UBAC2: variants seen among roughly 807,000 people sequenced by gnomAD.
The protein encoded by UBAC2 is UBA domain containing 2, also known as ubiquitin-associated domain-containing protein 2.
Under a neutral mutation model 44.0 loss-of-function variants are expected in UBAC2, and 26 were observed. That is an observed-to-expected ratio of 0.59 (90% CI 0.43 to 0.82). UBAC2 has a LOEUF of 0.82. UBAC2 is among the 40% of genes least tolerant of loss of function. The pLI, the probability that UBAC2 is intolerant of heterozygous loss-of-function variation, is 0.00. For missense variants in UBAC2, 329 were observed against 419.4 expected, an observed-to-expected ratio of 0.78 and a Z score of 1.88; for synonymous variants, 155 against 154.3, an observed-to-expected ratio of 1.00 and a Z score of -0.04.
At chr13:99,349,644 A>G (rs111527943) in intron 7 of UBAC2, among the ~76,000 whole-genome samples, 9 of 152,318 alleles carry the variant, frequency 5.9e-5, no homozygotes, top group African/African-American at 2.2e-4. Flanking sequence ...TGAGAGAGAG[A>G]AGGCACCATA....
In UBAC2 at chr13:99,382,591, CA is replaced by C. The variant is rs548234720; in HGVS notation, c.928-2634del. On this transcript the variant is annotated intron_variant, in intron 8 of 8. Coordinates refer to ENST00000403766, the MANE Select transcript of UBAC2 (RefSeq NM_001144072.2). ...GCGCGGTGTTCTGAGACGGTGTGCA[CA>C]AATGGGAGGGGATGGGCTGAAAGGA... 3.1e-3 allele frequency among the ~76,000 whole-genome samples: 479 copies of C among 152,200 alleles called. 1 individual carries two copies. Among genetic ancestry groups the C allele is most frequent in the African/African-American group, 0.011 (458 of 41,504 alleles).
At chr13:99,252,519 T>TA (rs1253455148) in intron 4 of UBAC2, among the ~76,000 whole-genome samples, 1 of 152,228 alleles carries the variant, frequency 6.6e-6, no homozygotes, top group African/African-American at 2.4e-5. Flanking sequence ...GACTATGATT[T>TA]AAACTCAGAA....
chr13:99,326,724 G>A (rs1202478491), intron 6 of UBAC2, among the ~76,000 whole-genome samples: 3 of 152,142 alleles, frequency 2.0e-5, no homozygotes, highest in Non-Finnish European at 2.9e-5. Flanking sequence ...ACAAAGGCCA[G>A]GTGTTCTGCT....
intron 1 of UBAC2, among the ~76,000 whole-genome samples, chr13:99,208,692 A>G (rs2042904408): frequency 6.6e-6 from 1 of 152,060 alleles, no homozygotes; most frequent in Admixed American, 6.5e-5. Context: ...TGTCCCTCAG[A>G]TTTCTTGTGT....
intron 1 of UBAC2, chr13:99,234,304 G>A (rs971673667): frequency 1.0e-5 from 3 of 300,142 alleles, no homozygotes; most frequent in African/African-American, 4.8e-5. Flanking sequence ...TGATTCTCCC[G>A]CCTCAGCTTC....
intron 7 of UBAC2, chr13:99,356,166 G>A (rs1160307971): frequency 1.9e-6 from 1 of 534,700 alleles, no homozygotes; most frequent in Admixed American, 1.9e-5. Flanking sequence ...GGGGCTGTTG[G>A]GTTGCATCCT....
intron 5 of UBAC2, among the ~76,000 whole-genome samples, chr13:99,317,319 C>T (rs190961012): frequency 2.0e-5 from 3 of 152,152 alleles, no homozygotes; most frequent in African/African-American, 7.2e-5. Context: ...CAAATCATTT[C>T]TTTGTTGCAG....
rs546410014 is a variant in UBAC2 at position 99,356,040 on chromosome 13, C to T, written c.808-11747C>T. 9.4e-4 allele frequency: 393 copies of T among 419,180 alleles called. 8 individuals carry two copies. Among genetic ancestry groups the T allele is most frequent in the South Asian group, 6.6e-3 (374 of 56,504 alleles). The allele number at this position is 419,180 out of a possible 1,614,324, so 26.0% of individuals were successfully genotyped here. ...CCTGTTTGTAAAATTGTACCTATGT[C>T]ACAGTAAGATCAGCTGTGCTAGGTA... On this transcript the variant is annotated intron_variant, in intron 7 of 8. Transcript: ENST00000403766.
At chr13:99,215,945 A>G (rs530742278) in intron 1 of UBAC2, among the ~76,000 whole-genome samples, 5 of 152,294 alleles carry the variant, frequency 3.3e-5, no homozygotes, top group Admixed American at 1.3e-4. Flanking sequence ...AATAAAGGCT[A>G]TTTTCCTATT....
chr13:99,380,699 C>T (rs2045539796), intron 8 of UBAC2, among the ~76,000 whole-genome samples: 1 of 152,200 alleles, frequency 6.6e-6, no homozygotes, highest in Non-Finnish European at 1.5e-5. Context: ...TTCAGTTTGC[C>T]ATGGATGTTT....
chr13:99,360,027 A>C (rs1392324866), intron 7 of UBAC2, among the ~76,000 whole-genome samples: 3 of 152,240 alleles, frequency 2.0e-5, no homozygotes, highest in African/African-American at 7.2e-5. Context: ...AATAAGATGA[A>C]GATGCTTTTG....
chr13:99,238,118 A>G (rs974286600), intron 1 of UBAC2, among the ~76,000 whole-genome samples: 23 of 152,290 alleles, frequency 1.5e-4, no homozygotes, highest in African/African-American at 5.3e-4. Context: ...ACACTTCTCT[A>G]TTTCTTTACA....
At chr13:99,370,438 A>G (rs776772126) in intron 8 of UBAC2, among the ~76,000 whole-genome samples, 1 of 152,236 alleles carries the variant, frequency 6.6e-6, no homozygotes, top group African/African-American at 2.4e-5. Flanking sequence ...TCTATAAAAG[A>G]AAGTTAAGAG....
intron 7 of UBAC2, among the ~76,000 whole-genome samples, chr13:99,344,746 C>T (rs563968453): frequency 2.6e-5 from 4 of 152,324 alleles, no homozygotes; most frequent in African/African-American, 9.6e-5. Context: ...CTGGCAGGTG[C>T]TCGCTGCCAC....
At chr13:99,221,888 A>C (rs1173100610) in intron 1 of UBAC2, among the ~76,000 whole-genome samples, 1 of 152,154 alleles carries the variant, frequency 6.6e-6, no homozygotes, top group East Asian at 1.9e-4. Context: ...CCTGCCTGGA[A>C]GCCTTTGTCT....
At chr13:99,215,728 C>T (rs978291649) in intron 1 of UBAC2, 38 of 1,484,866 alleles carry the variant, frequency 2.6e-5, no homozygotes, top group Admixed American at 7.0e-5. Context: ...TTGGCCTTTC[C>T]GGAGTCCTTC....
intron 4 of UBAC2, among the ~76,000 whole-genome samples, chr13:99,268,328 G>A (rs1168559920): frequency 8.5e-5 from 13 of 152,132 alleles, no homozygotes. Flanking sequence ...AAACATAGAA[G>A]GAGGCCAGGC....
At chr13:99,301,838 T>G (rs543602270) in intron 4 of UBAC2, among the ~76,000 whole-genome samples, 6 of 152,350 alleles carry the variant, frequency 3.9e-5, no homozygotes, top group Admixed American at 2.6e-4. Context: ...TTTACCATAT[T>G]CGGGGATTTA....
intron 6 of UBAC2, among the ~76,000 whole-genome samples, chr13:99,318,948 A>G (rs992596760): frequency 1.3e-5 from 2 of 148,616 alleles, no homozygotes; most frequent in African/African-American, 5.0e-5. Context: ...AAATCATAGA[A>G]AAAAAAAAAG....
Sources: gnomAD v4.1 joint callset for allele counts (sites outside exome capture counted in the v4.1 genomes callset) on GRCh38, gnomAD v4.1.1 for gene constraint, MANE v1.5 for transcripts, NCBI Gene and HGNC (gene_info 2026-07-23, HGNC 2026-07-21) for gene names.